Variants in RBM41 observed in about 807,000 individuals in gnomAD.
RBM41 encodes the protein RNA binding motif protein 41.
Under a neutral mutation model 30.8 loss-of-function variants are expected in RBM41, and 14 were observed. That is an observed-to-expected ratio of 0.45 (90% CI 0.30 to 0.71). RBM41 has a LOEUF of 0.71. Among genes scored for constraint, RBM41 ranks in the 30% least tolerant of loss-of-function variants. The pLI, the probability that RBM41 is intolerant of heterozygous loss-of-function variation, is 0.08. For missense variants in RBM41, 276 were observed against 326.3 expected, an observed-to-expected ratio of 0.85 and a Z score of 1.19; for synonymous variants, 120 against 110.1, an observed-to-expected ratio of 1.09 and a Z score of -0.56.
chrX:107,077,226 G>C (rs903173757), intron 6 of RBM41, among the ~76,000 whole-genome samples: 1 of 111,057 alleles, frequency 9.0e-6, no homozygotes, highest in African/African-American at 3.3e-5. Context: ...CCACCTCCCA[G>C]GTTCAAGCGA....
intron 5 of RBM41, among the ~76,000 whole-genome samples, chrX:107,110,180 A>T (rs1236992837): frequency 9.0e-6 from 1 of 111,571 alleles, no homozygotes; most frequent in African/African-American, 3.2e-5. Flanking sequence ...CCTAAACTTC[A>T]TACCTTATAT....
intron 6 of RBM41, among the ~76,000 whole-genome samples, chrX:107,076,340 T>C (rs1452623783): frequency 9.5e-6 from 1 of 105,338 alleles, no homozygotes; most frequent in Non-Finnish European, 2.0e-5. Flanking sequence ...AATAAATAAA[T>C]AAATAAATAA....
rs1924375819 is a variant in RBM41, at chrX:107,110,480, T to G, written c.595+2917A>C. On this transcript the variant is annotated intron_variant, in intron 5 of 7. Coordinates refer to ENST00000685964, the MANE Select transcript of RBM41 (RefSeq NM_001324242.2). ...CAAATAAATAGACATCCCATGTTCA[T>G]GACTTAGAAGACAATACTGTTAAGA... Among the ~76,000 whole-genome samples, 3 of 111,570 alleles carry G rather than the reference T, an allele frequency of 2.7e-5. No individual in the cohort carries two copies. In the Admixed American group the frequency reaches 2.8e-4, roughly 11 times the overall value.
intron 5 of RBM41, chrX:107,112,854 A>G (rs1230841869): frequency 3.0e-6 from 1 of 329,537 alleles, no homozygotes; most frequent in Non-Finnish European, 5.9e-6. Context: ...GAAAACAGTC[A>G]GTGATTGTCA....
chrX:107,066,722 T>TCCAGTTGTGCCAG lies in RBM41; in HGVS notation c.*804_*805insCTGGCACAACTGG. 1.3e-6 allele frequency: 1 copy of TCCAGTTGTGCCAG among 753,396 alleles called. No individual in the cohort carries two copies. Among genetic ancestry groups the TCCAGTTGTGCCAG allele is most frequent in the Non-Finnish European group, 1.6e-6 (1 of 638,531 alleles). The allele number at this position is 753,396 out of a possible 1,213,427, so 62.1% of individuals were successfully genotyped here. On this transcript the variant is annotated 3_prime_UTR_variant, in exon 8 of 8. Coordinates refer to ENST00000685964, the MANE Select transcript of RBM41 (RefSeq NM_001324242.2). Reference sequence around the variant, plus strand: ...CAACCATAAACAAACAACTGGGGGATTTGTGACTGGCATCCTCTTTTCTAG... The same window carrying TCCAGTTGTGCCAG: ...CAACCATAAACAAACAACTGGGGGATCCAGTTGTGCCAGTTGTGACTGGCATCCTCTTTTCTAG...
At chrX:107,087,229 TG>T (rs1204512479) in intron 6 of RBM41, among the ~76,000 whole-genome samples, 2 of 111,877 alleles carry the variant, frequency 1.8e-5, no homozygotes, top group East Asian at 5.6e-4. Flanking sequence ...CACAGGTATT[TG>T]CTATATTATT....
chrX:107,091,657 G>A (rs1922549877), intron 5 of RBM41, among the ~76,000 whole-genome samples: 1 of 111,563 alleles, frequency 9.0e-6, no homozygotes, highest in African/African-American at 3.3e-5. Context: ...ATTAGGTTTT[G>A]GCTTATGGTT....
intron 6 of RBM41, among the ~76,000 whole-genome samples, chrX:107,085,345 CA>C (rs1405638105): frequency 3.8e-5 from 4 of 106,447 alleles, no homozygotes; most frequent in Non-Finnish European, 7.7e-5. Context: ...TGGGTCACTG[CA>C]ACCTCCACCT....
intron 6 of RBM41, among the ~76,000 whole-genome samples, chrX:107,075,104 C>T (rs1293661067): frequency 1.8e-5 from 2 of 111,681 alleles, no homozygotes; most frequent in South Asian, 3.8e-4. Context: ...GAAATAAACC[C>T]ATGAAGCTAC....
chrX:107,081,531 C>A (rs1423699166), intron 6 of RBM41, among the ~76,000 whole-genome samples: 1 of 111,515 alleles, frequency 9.0e-6, no homozygotes, highest in Non-Finnish European at 1.9e-5. Context: ...AGATTAAGTT[C>A]CTAAATATCC....
intron 5 of RBM41, chrX:107,112,798 G>C (rs1924596768): frequency 1.2e-5 from 4 of 321,554 alleles, no homozygotes; most frequent in Non-Finnish European, 1.8e-5. Context: ...CATGTTGTGT[G>C]ATTCCATTTA....
chrX:107,101,570 T>G (rs1394260499), intron 5 of RBM41, among the ~76,000 whole-genome samples: 2 of 111,387 alleles, frequency 1.8e-5, no homozygotes, highest in South Asian at 3.8e-4. Flanking sequence ...ATTAGAGAGA[T>G]AATCTAAGAA....
chrX:107,069,927 C>A, intron 6 of RBM41: 1 of 123,063 alleles, frequency 8.1e-6, no homozygotes, highest in Non-Finnish European at 1.6e-5. Context: ...AAGGAGACAA[C>A]AGCAATAATA....
the RBM41 span, among the ~76,000 whole-genome samples, chrX:107,053,844 A>G: frequency 8.9e-6 from 1 of 112,142 alleles, no homozygotes; most frequent in South Asian, 3.8e-4. Flanking sequence ...CAAGTCCTCC[A>G]GGACAACTAG....
rs182991162 is a variant in RBM41, at chrX:107,085,224, A to G, written c.999+3212T>C. On this transcript the variant is annotated intron_variant, in intron 6 of 7. Coordinates refer to ENST00000685964, the MANE Select transcript of RBM41 (RefSeq NM_001324242.2). ...TTCATTTATATTCCCCTGGAGGTATATTAGAATTCTTATTGTTTTTCTTTT... is the reference window on the plus strand; with the variant it reads ...TTCATTTATATTCCCCTGGAGGTATGTTAGAATTCTTATTGTTTTTCTTTT... Among the ~76,000 whole-genome samples, 209 of 107,512 alleles carry G rather than the reference A, an allele frequency of 1.9e-3. 1 individual carries two copies. Among genetic ancestry groups the G allele is most frequent in the African/African-American group, 6.7e-3 (198 of 29,565 alleles). The allele number at this position is 107,512 out of a possible 115,157, so 93.4% of individuals were successfully genotyped here. A position where few individuals can be genotyped will look rare whatever the true frequency, so the allele number is the denominator to read the frequency against.
At chrX:107,100,716 G>C (rs1267312441) in intron 5 of RBM41, among the ~76,000 whole-genome samples, 1 of 110,744 alleles carries the variant, frequency 9.0e-6, no homozygotes, top group Non-Finnish European at 1.9e-5. Flanking sequence ...TGAAGACAAT[G>C]TGAACACTTC....
chrX:107,102,816 G>T (rs1324903242), intron 5 of RBM41, among the ~76,000 whole-genome samples: 1 of 111,468 alleles, frequency 9.0e-6, no homozygotes, highest in South Asian at 3.8e-4. Flanking sequence ...AATGGAATTT[G>T]CCATGCTAGG....
intron 5 of RBM41, among the ~76,000 whole-genome samples, chrX:107,100,229 G>C (rs746106613): frequency 8.9e-6 from 1 of 112,651 alleles, no homozygotes; most frequent in South Asian, 3.6e-4. Context: ...TTGGGAGGCT[G>C]AGGTGAGTGG....
chrX:107,065,923 T>G lies in RBM41; in HGVS notation c.*1604A>C, dbSNP rs767638213. On this transcript the variant is annotated 3_prime_UTR_variant, in exon 8 of 8. Transcript: ENST00000685964. ...ATTATTTTTGCCTGTGCTCTTTTTC[T>G]GCATGTGTGTAGATTCAGATTACTG... 6.2e-5 allele frequency among the ~76,000 whole-genome samples: 7 copies of G among 112,642 alleles called. No homozygotes were observed. Among genetic ancestry groups the G allele is most frequent in the South Asian group, 7.3e-4 (2 of 2,754 alleles).
Sources: allele counts gnomAD v4.1 joint callset (sites outside exome capture counted in the v4.1 genomes callset), GRCh38; gene constraint gnomAD v4.1.1; transcripts MANE v1.5; gene names NCBI Gene and HGNC (gene_info 2026-07-23, HGNC 2026-07-21).